Variants in PRDM5 observed in about 807,000 individuals in gnomAD.
PRDM5 encodes the protein PR/SET domain 5, also known as PR domain zinc finger protein 5.
A neutral mutation model predicts 81.2 loss-of-function variants in PRDM5; 56 were observed. The observed-to-expected ratio is 0.69, with a 90% CI of 0.56 to 0.86. PRDM5 has a LOEUF of 0.86. Among genes scored for constraint, PRDM5 ranks in the 40% least tolerant of loss-of-function variants. PRDM5 has a pLI of 0.00. For missense variants in PRDM5, 697 were observed against 770.1 expected (o/e 0.91, Z 1.12); for synonymous variants, 267 against 256.4 (o/e 1.04, Z -0.39).
chr4:120,867,790 C>T (rs1039968983), intron 2 of PRDM5, among the ~76,000 whole-genome samples: 7 of 152,208 alleles, frequency 4.6e-5, no homozygotes, highest in African/African-American at 1.7e-4. Context: ...GACAAAAACA[C>T]CTTCTTTGTC....
At chr4:120,806,349 G>T (rs372874223) in intron 8 of PRDM5, among the ~76,000 whole-genome samples, 38 of 152,096 alleles carry the variant, frequency 2.5e-4, no homozygotes, top group African/African-American at 7.9e-4. Flanking sequence ...AAAAAACTAC[G>T]TGAAAGTTCC....
rs387907111 is a variant in PRDM5 at position 120,821,326 on chromosome 4, T to A, written c.320A>T (p.Tyr107Phe). ...AAIQEGENIFYLAVEDIETDT... is the reference protein window; with the variant it reads ...AAIQEGENIFFLAVEDIETDT... ...TGTTTCTATATCTTCAACTGCCAAA[T>A]AGAAAATGTTTTCTCCTTCCTGAAA... Residue 107 changes from tyrosine (Y) to phenylalanine (F), a missense_variant, in exon 4 of 16, where the codon TAT (tyrosine) becomes TTT (phenylalanine). This residue lies in a region of PRDM5 where 577 missense variants were observed against 606.7 expected (regional missense o/e 0.95). Transcript: ENST00000264808. 6.2e-7 allele frequency: 1 copy of A among 1,613,998 alleles called. No individual in the cohort carries two copies. Among genetic ancestry groups the A allele is most frequent in the Non-Finnish European group, 8.5e-7 (1 of 1,179,960 alleles).
chr4:120,845,880 C>T (rs1318844322), intron 3 of PRDM5, among the ~76,000 whole-genome samples: 1 of 152,118 alleles, frequency 6.6e-6, no homozygotes, highest in Non-Finnish European at 1.5e-5. Context: ...TCAACATGAA[C>T]AGAAGTTTAG....
rs1725131938 is a variant in PRDM5, at chr4:120,922,724, A to G, written c.-116T>C. The G allele has an allele frequency of 1.4e-6, 2 of 1,396,954 alleles. No homozygotes were observed. Among genetic ancestry groups the G allele is most frequent in the Admixed American group, 4.0e-5 (2 of 49,598 alleles). The allele number at this position is 1,396,954 out of a possible 1,614,324, so 86.5% of individuals were successfully genotyped here. Reference sequence around the variant, plus strand: ...GGGAGAAACCGGCAGGGAAGGAGGAAATGGAGTTTTCCTCCCAGAATCCCC... The same window carrying G: ...GGGAGAAACCGGCAGGGAAGGAGGAGATGGAGTTTTCCTCCCAGAATCCCC... On this transcript the variant is annotated 5_prime_UTR_variant, in exon 1 of 16. Coordinates refer to ENST00000264808, the MANE Select transcript of PRDM5 (RefSeq NM_018699.4).
chr4:120,798,596 A>G (rs1037832044), intron 9 of PRDM5, among the ~76,000 whole-genome samples, 172 bp from the exon 10 acceptor site: 2 of 152,204 alleles, frequency 1.3e-5, no homozygotes, highest in Non-Finnish European at 2.9e-5. Flanking sequence ...CTACTCCTAA[A>G]TGAAATATGA....
rs1734354619 is a variant in PRDM5 at position 120,695,031 on chromosome 4, T to C, written c.*80A>G. On this transcript the variant is annotated 3_prime_UTR_variant, in exon 16 of 16. Coordinates refer to ENST00000264808, the MANE Select transcript of PRDM5 (RefSeq NM_018699.4). ...CCAGTAAGTCACTTTTGGCTACTTC[T>C]GTTATGCTGATCAGGTGATAAAAAT... The C allele has an allele frequency of 2.0e-6, 3 of 1,510,974 alleles. No individual in the cohort carries two copies. Among genetic ancestry groups the C allele is most frequent in the Non-Finnish European group, 2.8e-6 (3 of 1,089,550 alleles). The allele number at this position is 1,510,974 out of a possible 1,614,324, so 93.6% of individuals were successfully genotyped here. A position where few individuals can be genotyped will look rare whatever the true frequency, so the allele number is the denominator to read the frequency against.
At chr4:120,828,588 C>T (rs949149184) in intron 3 of PRDM5, among the ~76,000 whole-genome samples, 22 of 152,048 alleles carry the variant, frequency 1.4e-4, no homozygotes, top group African/African-American at 4.6e-4. Flanking sequence ...TAAAATAATC[C>T]AATGCATTTA....
At chr4:120,744,612 C>T (rs1286115051) in intron 14 of PRDM5, among the ~76,000 whole-genome samples, 4 of 152,026 alleles carry the variant, frequency 2.6e-5, no homozygotes, top group African/African-American at 7.3e-5. Flanking sequence ...ACCACGGATC[C>T]CACAGAAATA....
chr4:120,851,280 G>A (rs560685762), intron 3 of PRDM5, among the ~76,000 whole-genome samples: 18 of 152,054 alleles, frequency 1.2e-4, no homozygotes, highest in African/African-American at 4.1e-4. Context: ...CCAAAACAAT[G>A]GGTTGGCTTA....
intron 15 of PRDM5, among the ~76,000 whole-genome samples, chr4:120,701,322 A>G (rs1039964064): frequency 6.6e-6 from 1 of 152,196 alleles, no homozygotes; most frequent in African/African-American, 2.4e-5. Context: ...AATCCCATTC[A>G]TTACTGGGTA....
chr4:120,837,580 T>TA (rs770361875), intron 3 of PRDM5: 7 of 152,244 alleles, frequency 4.6e-5, no homozygotes, highest in Non-Finnish European at 8.8e-5. Flanking sequence ...AGGTTATACT[T>TA]ACAAAAGTTT....
intron 2 of PRDM5, among the ~76,000 whole-genome samples, chr4:120,886,340 A>C (rs1763436872): frequency 6.6e-6 from 1 of 152,240 alleles, no homozygotes; most frequent in Admixed American, 6.5e-5. Flanking sequence ...ATTTTTTCCC[A>C]AAACTAAAAC....
intron 2 of PRDM5, among the ~76,000 whole-genome samples, chr4:120,897,284 A>T (rs193269277): frequency 6.6e-6 from 1 of 152,076 alleles, no homozygotes; most frequent in Non-Finnish European, 1.5e-5. Flanking sequence ...TTCTTTTTGC[A>T]TCTTAAAAAT....
chr4:120,751,219 T>TTGG (rs1743956494), intron 14 of PRDM5, among the ~76,000 whole-genome samples: 1 of 152,128 alleles, frequency 6.6e-6, no homozygotes, highest in Non-Finnish European at 1.5e-5. Context: ...TTATGGAAAC[T>TTGG]ATTTTTAAAA....
chr4:120,745,065 T>G (rs1480481378), intron 14 of PRDM5, among the ~76,000 whole-genome samples: 2 of 144,108 alleles, frequency 1.4e-5, no homozygotes, highest in African/African-American at 5.2e-5. Context: ...CAGCAGCACA[T>G]CAAAAAGCTT....
chr4:120,864,412 A>G (rs762975444), intron 2 of PRDM5, among the ~76,000 whole-genome samples: 2 of 152,250 alleles, frequency 1.3e-5, no homozygotes, highest in Non-Finnish European at 2.9e-5. Context: ...AATCCAAGGC[A>G]GGTGAAATCA....
At chr4:120,764,948 T>C (rs1349473900) in intron 13 of PRDM5, among the ~76,000 whole-genome samples, 1 of 152,146 alleles carries the variant, frequency 6.6e-6, no homozygotes, top group Non-Finnish European at 1.5e-5. Context: ...TGCTAAAATG[T>C]TGTTTTAAAA....
At chr4:120,754,512 GT>G in intron 14 of PRDM5, 40 bp downstream of exon 14, 1 of 1,363,388 alleles carries the variant, frequency 7.3e-7, no homozygotes, top group Non-Finnish European at 1.0e-6. Flanking sequence ...AATAAGTATG[GT>G]TTTCATGATC....
chr4:120,848,643 A>C (rs1758919012), intron 3 of PRDM5, among the ~76,000 whole-genome samples: 1 of 152,188 alleles, frequency 6.6e-6, no homozygotes, highest in Admixed American at 6.5e-5. Flanking sequence ...TCATCATTTT[A>C]AGGATTAACA....
Sources: gnomAD v4.1 joint callset for allele counts (sites outside exome capture counted in the v4.1 genomes callset) on GRCh38, gnomAD v4.1.1 for gene constraint, gnomAD v4.1.1 regional missense constraint, MANE v1.5 for transcripts, NCBI Gene and HGNC (gene_info 2026-07-23, HGNC 2026-07-21) for gene names.